Variants in LMBRD1 observed in about 807,000 individuals in gnomAD.
LMBRD1 encodes the protein lysosomal cobalamin transport escort protein LMBD1.
In LMBRD1, 64 loss-of-function variants were observed where a neutral mutation model predicts 74.8. The ratio of observed to expected loss-of-function variants is 0.86; its 90% confidence interval spans 0.70 to 1.05. LMBRD1 has a LOEUF of 1.05. Ranked by LOEUF, LMBRD1 falls within the 50% of genes least tolerant of loss-of-function variation. LMBRD1 has a pLI of 0.00. For missense variants in LMBRD1, 652 were observed against 645.9 expected (o/e 1.01, Z -0.10); for synonymous variants, 204 against 216.3 (o/e 0.94, Z 0.50).
At chr6:69,679,424 A>C (rs1282871098) in intron 14 of LMBRD1, among the ~76,000 whole-genome samples, 1 of 152,150 alleles carries the variant, frequency 6.6e-6, no homozygotes, top group Admixed American at 6.6e-5. Flanking sequence ...CTTACTTCAC[A>C]GTGATATAGC....
At chr6:69,765,539 T>C (rs1453398123) in intron 3 of LMBRD1, among the ~76,000 whole-genome samples, 1 of 152,200 alleles carries the variant, frequency 6.6e-6, no homozygotes, top group Non-Finnish European at 1.5e-5. Flanking sequence ...GATCTGAGGA[T>C]GTAATTCTCT....
rs144066332 is a variant in LMBRD1, at chr6:69,772,746, C to A, written c.307+7748G>T. ...AACAAATCTAAAAATTAGTCTCAGT[C>A]TTTCTATCTTGTCTGGAAAAGCACT... On this transcript the variant is annotated intron_variant, in intron 3 of 15. Coordinates refer to ENST00000649934, the MANE Select transcript of LMBRD1 (RefSeq NM_018368.4). Among the ~76,000 whole-genome samples, 11 of 152,232 alleles carry A rather than the reference C, an allele frequency of 7.2e-5. No individual in the cohort carries two copies. The East Asian group carries it at 1.4e-3, about 19-fold the overall frequency.
chr6:69,747,759 A>C (rs984984646), intron 5 of LMBRD1, among the ~76,000 whole-genome samples: 1 of 152,210 alleles, frequency 6.6e-6, no homozygotes, highest in African/African-American at 2.4e-5. Flanking sequence ...CCAACACATA[A>C]GTGTTTCAAA....
rs866450774 is a variant in LMBRD1, at chr6:69,696,829, T to C, written c.1417+734A>G. Among the ~76,000 whole-genome samples, 7 of 152,296 alleles carry C rather than the reference T, an allele frequency of 4.6e-5. No homozygotes were observed. In the South Asian group the frequency reaches 1.4e-3, roughly 32 times the overall value. On this transcript the variant is annotated intron_variant, in intron 14 of 15. Coordinates refer to ENST00000649934, the MANE Select transcript of LMBRD1 (RefSeq NM_018368.4). ...TCAGAATTTGTGTTTTTCATAATGG[T>C]ATTCATGAATGATTCACGCAGAAAT...
intron 7 of LMBRD1, among the ~76,000 whole-genome samples, 164 bp downstream of exon 7, chr6:69,737,778 T>C (rs898270516): frequency 6.6e-6 from 1 of 151,732 alleles, no homozygotes; most frequent in Non-Finnish European, 1.5e-5. Context: ...AAAATGATGA[T>C]GGCTAAGTAG....
chr6:69,719,165 G>A (rs928697911), intron 7 of LMBRD1, 84 bp from the exon 8 acceptor site: 10 of 1,267,358 alleles, frequency 7.9e-6, no homozygotes, highest in African/African-American at 7.4e-5. Flanking sequence ...GTCTTTTAAA[G>A]TCATAAGAGT....
rs192365184 is a variant in LMBRD1 at position 69,690,107 on chromosome 6, A to G, written c.1417+7456T>C. 4.9e-3 allele frequency among the ~76,000 whole-genome samples: 735 copies of G among 151,244 alleles called. 3 individuals carry two copies. Among genetic ancestry groups the G allele is most frequent in the Non-Finnish European group, 6.7e-3 (456 of 67,748 alleles). On this transcript the variant is annotated intron_variant, in intron 14 of 15. Transcript: ENST00000649934. ...GTTCTTGTCCTCTGCCAATATTTTGAGCTGATCTTATTCCTTTCCTTCAGT... is the reference window on the plus strand; with the variant it reads ...GTTCTTGTCCTCTGCCAATATTTTGGGCTGATCTTATTCCTTTCCTTCAGT...
intron 14 of LMBRD1, among the ~76,000 whole-genome samples, chr6:69,684,723 A>C (rs1765728155): frequency 6.6e-6 from 1 of 152,142 alleles, no homozygotes; most frequent in Non-Finnish European, 1.5e-5. Context: ...GTAGCATTAT[A>C]ATATATAATT....
intron 4 of LMBRD1, among the ~76,000 whole-genome samples, chr6:69,749,729 T>A (rs1488313519): frequency 2.0e-5 from 3 of 151,256 alleles, no homozygotes; most frequent in Admixed American, 2.0e-4. Flanking sequence ...CAGACAGCAA[T>A]CAGAATCTAC....
At chr6:69,707,216 G>A (rs1306297323) in intron 9 of LMBRD1, among the ~76,000 whole-genome samples, 1 of 152,094 alleles carries the variant, frequency 6.6e-6, no homozygotes, top group African/African-American at 2.4e-5. Context: ...CTCGCACTTT[G>A]AATATCTTTG....
At chr6:69,792,117 TAAAG>T (rs1241044980) in intron 1 of LMBRD1, among the ~76,000 whole-genome samples, 1 of 152,246 alleles carries the variant, frequency 6.6e-6, no homozygotes, top group Non-Finnish European at 1.5e-5. Flanking sequence ...GTCCCTTGGA[TAAAG>T]AAACCCATAA....
intron 5 of LMBRD1, chr6:69,746,906 AG>A (rs922768813): frequency 1.3e-5 from 2 of 152,432 alleles, no homozygotes; most frequent in African/African-American, 4.8e-5. Context: ...AGAGGCCCTC[AG>A]CTGCTGGGGA....
At chr6:69,684,478 TATA>T (rs1417458288) in intron 14 of LMBRD1, among the ~76,000 whole-genome samples, 6 of 152,134 alleles carry the variant, frequency 3.9e-5, no homozygotes, top group Admixed American at 3.9e-4. Context: ...TAGGAGATAA[TATA>T]ATGCCTTTAA....
At chr6:69,697,704 A>G (rs1260801690) in intron 13 of LMBRD1, 63 bp from the exon 14 acceptor site, 9 of 981,990 alleles carry the variant, frequency 9.2e-6, no homozygotes, top group Admixed American at 7.0e-5. Flanking sequence ...TGGATTTAAA[A>G]AGTAATCACT....
At chr6:69,713,829 C>T (rs1377337588) in intron 8 of LMBRD1, 32 bp from the exon 9 acceptor site, 1 of 1,611,484 alleles carries the variant, frequency 6.2e-7, no homozygotes, top group Admixed American at 1.7e-5. Context: ...AAAAGTTTTA[C>T]CATTAACATC....
chr6:69,727,090 T>C (rs924167774), intron 7 of LMBRD1, among the ~76,000 whole-genome samples: 2 of 152,074 alleles, frequency 1.3e-5, no homozygotes, highest in Admixed American at 1.3e-4. Context: ...ACCCGGGTAG[T>C]GGAGGTTGCA....
At chr6:69,795,611 G>A (rs1375143101) in intron 1 of LMBRD1, among the ~76,000 whole-genome samples, 1 of 152,140 alleles carries the variant, frequency 6.6e-6, no homozygotes, top group Non-Finnish European at 1.5e-5. Context: ...GGAAAAGCCA[G>A]GGGGCTCTCC....
At chr6:69,763,203 C>T (rs4348273) in intron 3 of LMBRD1, among the ~76,000 whole-genome samples, 54,855 of 150,442 alleles carry the variant, frequency 0.36, 10,516 homozygotes, top group East Asian at 0.54. Context: ...TGGCTTGATT[C>T]CTCCTGACTG....
At chr6:69,719,213 T>C in intron 7 of LMBRD1, 132 bp from the exon 8 acceptor site, 2 of 748,388 alleles carry the variant, frequency 2.7e-6, no homozygotes, top group Non-Finnish European at 4.4e-6. Context: ...GAAAACATGG[T>C]ATATGGGAGT....
Sources: allele counts gnomAD v4.1 joint callset (sites outside exome capture counted in the v4.1 genomes callset), GRCh38; gene constraint gnomAD v4.1.1; transcripts MANE v1.5; gene names NCBI Gene and HGNC (gene_info 2026-07-23, HGNC 2026-07-21).